The following SLC26A3 variants were observed in gnomAD, a reference collection of about 807,000 sequenced individuals.
SLC26A3 encodes the protein chloride anion exchanger.
In SLC26A3, 64 loss-of-function variants were observed where a neutral mutation model predicts 85.6. The ratio of observed to expected loss-of-function variants is 0.75; its 90% CI spans 0.61 to 0.92. The LOEUF is 0.92. Among genes scored for constraint, SLC26A3 ranks in the 40% least tolerant of loss-of-function variants. The probability of loss-of-function intolerance (pLI) is 0.00; values close to 1 mark genes in which losing one functional copy is unlikely to be tolerated. For synonymous variants in SLC26A3, 349 were observed against 336.0 expected, an observed-to-expected ratio of 1.04 and a Z score of -0.42; for missense variants, 922 against 927.3, an observed-to-expected ratio of 0.99 and a Z score of 0.07.
rs182526650 is a variant in SLC26A3, at chr7:107,794,462, A to G, written c.48T>C (p.Tyr16=). Residue 16 remains tyrosine, a synonymous_variant, in exon 2 of 21, where the codon TAT becomes TAC. Coordinates refer to ENST00000340010, the MANE Select transcript of SLC26A3 (RefSeq NM_000111.3). ...GNQYIVARPV[Y]STNAFEENHK... ...GATTTTCCTCAAAAGCATTTGTAGAATACACTGGCCTGGCCACAATATACT... is the reference window on the plus strand; with the variant it reads ...GATTTTCCTCAAAAGCATTTGTAGAGTACACTGGCCTGGCCACAATATACT... 1 of 1,613,912 alleles carries G rather than the reference A, an allele frequency of 6.2e-7. No homozygotes were observed.
intron 8 of SLC26A3, among the ~76,000 whole-genome samples, chr7:107,784,232 A>G (rs1290771435): frequency 6.6e-6 from 1 of 152,224 alleles, no homozygotes; most frequent in South Asian, 2.1e-4. Context: ...AAGTACTATT[A>G]TATCTGATGC....
At chr7:107,801,891 C>T (rs2115916939) in intron 1 of SLC26A3, among the ~76,000 whole-genome samples, 1 of 147,304 alleles carries the variant, frequency 6.8e-6, no homozygotes, top group African/African-American at 2.6e-5. Context: ...ACCAGCCTGG[C>T]CAACATGGCG....
Position 107,787,369 on chromosome 7 carries a change from G to T in SLC26A3, c.876C>A (p.Ile292=). 2.5e-6 allele frequency: 4 copies of T among 1,613,936 alleles called. No individual in the cohort carries two copies. Among genetic ancestry groups the T allele is most frequent in the Non-Finnish European group, 3.4e-6 (4 of 1,179,926 alleles). The change falls in exon 7 of 21, where the codon ATC becomes ATA. Residue 292 remains isoleucine (I), a synonymous_variant. Transcript: ENST00000340010. ...FKDKLPVPIP[I]EFIMTVIAAG... is the part of the protein sequence containing the mutation. ...AATGATCAATTACCATAATGAATTC[G>T]ATTGGAATGGGCACTGGAAGTTTGT...
At chr7:107,777,900 G>C (rs1794146083) in intron 13 of SLC26A3, among the ~76,000 whole-genome samples, 1 of 152,212 alleles carries the variant, frequency 6.6e-6, no homozygotes, top group Non-Finnish European at 1.5e-5. Flanking sequence ...TGGGCGAATA[G>C]ACTCAGAGAT....
chr7:107,765,985 T>C, intron 20 of SLC26A3, 107 bp from the exon 21 acceptor site: 1 of 897,660 alleles, frequency 1.1e-6, no homozygotes. Context: ...TTTTTTTTTG[T>C]CTTGAATTTT....
chr7:107,780,576 A>G lies in SLC26A3; in HGVS notation c.1312-813T>C, dbSNP rs1437094856. On this transcript the variant is annotated intron_variant, in intron 11 of 20. Transcript: ENST00000340010. ...TTATTTTATTCTGAATGGAGTATGG[A>G]ATTTGTATACTGCTATACCATGAAA... Among the ~76,000 whole-genome samples, 5 of 152,316 alleles carry G rather than the reference A, an allele frequency of 3.3e-5. No individual in the cohort carries two copies. The East Asian group carries it at 5.8e-4, about 18-fold the overall frequency.
At chr7:107,790,903 C>T (rs994294797) in intron 5 of SLC26A3, 145 bp downstream of exon 5, 28 of 855,636 alleles carry the variant, frequency 3.3e-5, no homozygotes, top group East Asian at 5.3e-5. Flanking sequence ...AGTGACCCTT[C>T]GTACAGTATT....
chr7:107,780,055 C>A (rs2115833917), intron 11 of SLC26A3, among the ~76,000 whole-genome samples: 1 of 151,912 alleles, frequency 6.6e-6, no homozygotes, highest in African/African-American at 2.4e-5. Context: ...CAGAGAAAGG[C>A]AGACCTTCAG....
intron 18 of SLC26A3, among the ~76,000 whole-genome samples, chr7:107,768,292 A>G (rs1471556464): frequency 6.6e-6 from 1 of 152,216 alleles, no homozygotes; most frequent in South Asian, 2.1e-4. Context: ...ACATATGTTT[A>G]TGGACCAGTG....
intron 3 of SLC26A3, among the ~76,000 whole-genome samples, chr7:107,792,590 G>C (rs2395890): frequency 6.6e-6 from 1 of 151,900 alleles, no homozygotes; most frequent in Non-Finnish European, 1.5e-5. Context: ...AATAAGGAGC[G>C]GCTGTAAATA....
intron 5 of SLC26A3, among the ~76,000 whole-genome samples, chr7:107,790,166 C>A (rs941510189): frequency 6.6e-6 from 1 of 152,158 alleles, no homozygotes; most frequent in Non-Finnish European, 1.5e-5. Context: ...GCATATTGGA[C>A]ATCAGAAGTG....
chr7:107,775,974 G>T, intron 15 of SLC26A3: 1 of 215,332 alleles, frequency 4.6e-6, no homozygotes, highest in South Asian at 8.1e-5. Context: ...TTTCTTAACT[G>T]TCAAGACTGC....
rs762667509 is a variant in SLC26A3, at chr7:107,776,458, G to A, written c.1671C>T (p.Ile557=). 41 of 1,612,302 alleles carry A rather than the reference G, an allele frequency of 2.5e-5. No individual in the cohort carries two copies. The highest frequency in any genetic ancestry group is 3.5e-5 in the Non-Finnish European group (41 of 1,178,416). ...AAATAACCCCAAACCTTACAGCATC[G>A]ATAAGTTTCCGCCTAAAGAAACCAA... ...ANIGFFRRKL[I]DAVGFSPLRI... The change falls in exon 15 of 21, where the codon ATC becomes ATT. Residue 557 remains isoleucine (I), a synonymous_variant. Transcript: ENST00000340010.
At chr7:107,796,257 C>A (rs1460874458) in intron 1 of SLC26A3, among the ~76,000 whole-genome samples, 2 of 152,020 alleles carry the variant, frequency 1.3e-5, no homozygotes, top group Non-Finnish European at 2.9e-5. Flanking sequence ...TGTGGCCCAC[C>A]ATGCCCTGCT....
chr7:107,769,342 A>G (rs1290065738), intron 18 of SLC26A3, among the ~76,000 whole-genome samples: 1 of 152,186 alleles, frequency 6.6e-6, no homozygotes, highest in Non-Finnish European at 1.5e-5. Context: ...TCAGTGATAG[A>G]CTGGATAAAG....
chr7:107,794,698 C>A, intron 1 of SLC26A3, 101 bp from the exon 2 acceptor site: 4 of 627,266 alleles, frequency 6.4e-6, no homozygotes, highest in South Asian at 3.7e-5. Context: ...CTTTTAAGAT[C>A]AAAAAAGGCA....
chr7:107,794,684 C>T, intron 1 of SLC26A3, 87 bp from the exon 2 acceptor site: 1 of 681,928 alleles, frequency 1.5e-6, no homozygotes, highest in Non-Finnish European at 2.6e-6. Context: ...CTGAATGTTA[C>T]CACCTTTTAA....
Position 107,783,450 on chromosome 7 carries a change from T to A in SLC26A3, c.972-98A>T. On this transcript the variant is annotated intron_variant, in intron 8 of 20. Transcript: ENST00000340010. Reference sequence around the variant, plus strand: ...ATGAATGAATGCAATCTAGGCTGAGTTGTGTCTCACTTTGGAGTATGATTA... The same window carrying A: ...ATGAATGAATGCAATCTAGGCTGAGATGTGTCTCACTTTGGAGTATGATTA... 5.0e-6 allele frequency: 7 copies of A among 1,412,978 alleles called. No homozygotes were observed. The South Asian group carries it at 7.0e-5, about 14-fold the overall frequency. The allele number at this position is 1,412,978 out of a possible 1,614,324, so 87.5% of individuals were successfully genotyped here. A position where few individuals can be genotyped will look rare whatever the true frequency, so the allele number is the denominator to read the frequency against.
At chr7:107,791,678 G>C (rs1394073428) in intron 4 of SLC26A3, 152 bp downstream of exon 4, 2 of 503,904 alleles carry the variant, frequency 4.0e-6, no homozygotes, top group East Asian at 7.2e-5. Flanking sequence ...CTGTGACCCT[G>C]CCCTCCATCT....
Sources: gnomAD v4.1 joint callset for allele counts (sites outside exome capture counted in the v4.1 genomes callset) on GRCh38, gnomAD v4.1.1 for gene constraint, MANE v1.5 for transcripts, NCBI Gene and HGNC (gene_info 2026-07-23, HGNC 2026-07-21) for gene names.